The following NCKAP1 variants were observed in gnomAD, a reference collection of about 807,000 sequenced individuals.
NCKAP1 encodes NCK associated protein 1.
NCKAP1 carries 21 observed loss-of-function variants against 151.2 expected under a neutral mutation model. The observed-to-expected ratio is 0.14, with a 90% CI of 0.10 to 0.20. The LOEUF (loss-of-function observed/expected upper bound fraction) is 0.20. Ranked by LOEUF, NCKAP1 falls within the 10% of genes least tolerant of loss-of-function variation. NCKAP1 has a pLI of 1.00. For missense variants in NCKAP1, 933 were observed against 1,352.1 expected, an observed-to-expected ratio of 0.69 and a Z score of 4.86; for synonymous variants, 484 against 451.8, an observed-to-expected ratio of 1.07 and a Z score of -0.90.
chr2:182,972,758 G>A (rs776356763), intron 15 of NCKAP1, among the ~76,000 whole-genome samples: 15 of 152,130 alleles, frequency 9.9e-5, no homozygotes, highest in Non-Finnish European at 1.9e-4. Flanking sequence ...CAACATAGAC[G>A]GAACTGGAAG....
chr2:183,001,894 T>G, intron 6 of NCKAP1, 59 bp downstream of exon 6: 1 of 1,412,236 alleles, frequency 7.1e-7, no homozygotes, highest in African/African-American at 1.4e-5. Flanking sequence ...TATCCAACCA[T>G]CCATCCTCAT....
chr2:182,953,680 C>A (rs1320360930), intron 20 of NCKAP1, among the ~76,000 whole-genome samples: 1 of 152,038 alleles, frequency 6.6e-6, no homozygotes, highest in Non-Finnish European at 1.5e-5. Flanking sequence ...TGCCTGTAAT[C>A]CTGGCTACTT....
intron 2 of NCKAP1, among the ~76,000 whole-genome samples, chr2:183,008,176 C>T (rs922421056): frequency 3.9e-5 from 6 of 152,158 alleles, no homozygotes; most frequent in African/African-American, 1.2e-4. Context: ...GATCCGCCCG[C>T]CTCGGCCTCC....
chr2:182,962,130 C>T, intron 18 of NCKAP1, 29 bp downstream of exon 18: 4 of 1,539,244 alleles, frequency 2.6e-6, no homozygotes, highest in Non-Finnish European at 3.5e-6. Flanking sequence ...ACAAAATTTC[C>T]TATCTGTTGG....
intron 1 of NCKAP1, among the ~76,000 whole-genome samples, chr2:183,032,024 ATT>A (rs1296576326): frequency 6.6e-6 from 1 of 152,210 alleles, no homozygotes; most frequent in African/African-American, 2.4e-5. Context: ...CATTTCAGTT[ATT>A]TCAGTAGTTA....
At position 183,023,888 on chromosome 2, in the gene NCKAP1, G is replaced by A. The variant is rs1698840892; in HGVS notation, c.137C>T (p.Ser46Phe). The A allele has an allele frequency of 6.2e-7, 1 of 1,612,554 alleles. No individual in the cohort carries two copies. Residue 46 changes from serine to phenylalanine, a missense_variant, in exon 2 of 31, where the codon TCC (serine) becomes TTC (phenylalanine). Transcript: ENST00000361354. ...KACGDPKAKP[S>F]YLIDKNLESA... is the part of the protein sequence containing the mutation. ...TTCCAGGTTTTTGTCGATAAGATAG[G>A]ATGGTTTTGCCTTGGGGTCTCCACA...
At chr2:182,977,323 C>T (rs953227884) in intron 14 of NCKAP1, among the ~76,000 whole-genome samples, 1 of 152,006 alleles carries the variant, frequency 6.6e-6, no homozygotes, top group Non-Finnish European at 1.5e-5. Flanking sequence ...AACCCCATCT[C>T]TACTAAAAAT....
chr2:182,989,681 C>T (rs111261007), intron 8 of NCKAP1, among the ~76,000 whole-genome samples: 13,447 of 152,104 alleles, frequency 0.088, 722 homozygotes, highest in Non-Finnish European at 0.12. Context: ...CACTGCACTC[C>T]AGCCTGGGTG....
In NCKAP1 at chr2:182,916,185, A is replaced by AC. The variant is rs1696464825; in HGVS notation, c.*9516_*9517insG. The AC allele has an allele frequency of 2.6e-5, 4 of 151,396 alleles. No homozygotes were observed. Among genetic ancestry groups the AC allele is most frequent in the South Asian group, 2.1e-4 (1 of 4,766 alleles). 9.4% of individuals were successfully genotyped at this position (151,396 alleles called of 1,614,324 possible). On this transcript the variant is annotated 3_prime_UTR_variant, in exon 31 of 31. Coordinates refer to ENST00000361354, the MANE Select transcript of NCKAP1 (RefSeq NM_013436.5). ...GCCTTCTGTCAAAAAAAAAAAAAAA[A>AC]AAAAAACATGTCTCTGTGTCATCAC... is the stretch of plus-strand genomic sequence containing the variant.
In NCKAP1 at chr2:182,910,016, C is replaced by T. The variant is rs1161819162; in HGVS notation, c.*15686G>A. 2 of 152,266 alleles carry T rather than the reference C, an allele frequency of 1.3e-5. No homozygotes were observed. Among genetic ancestry groups the T allele is most frequent in the South Asian group, 2.1e-4 (1 of 4,816 alleles). The allele number at this position is 152,266 out of a possible 1,614,324, so 9.4% of individuals were successfully genotyped here. On this transcript the variant is annotated 3_prime_UTR_variant, in exon 31 of 31. Coordinates refer to ENST00000361354, the MANE Select transcript of NCKAP1 (RefSeq NM_013436.5). Reference sequence around the variant, plus strand: ...AAAATACAAAAGAAAATGATAGGGTCGCAGACAGAAAGTTTTATTCTAAGG... The same window carrying T: ...AAAATACAAAAGAAAATGATAGGGTTGCAGACAGAAAGTTTTATTCTAAGG...
chr2:182,999,696 G>C (rs1698341622), intron 6 of NCKAP1, among the ~76,000 whole-genome samples: 1 of 152,140 alleles, frequency 6.6e-6, no homozygotes, highest in African/African-American at 2.4e-5. Context: ...AAACACACTT[G>C]CACTCGTATG....
At position 183,003,586 on chromosome 2, in the gene NCKAP1, AG is replaced by A. The variant is rs568630917; in HGVS notation, c.220-262del. On this transcript the variant is annotated intron_variant, in intron 2 of 30. Coordinates refer to ENST00000361354, the MANE Select transcript of NCKAP1 (RefSeq NM_013436.5). ...CTATTAAGGAAAATCTGAAAGTGTT[AG>A]GAAAAAAAGTATCAAATGAACTCTT... is the stretch of plus-strand genomic sequence containing the variant. 1.4e-4 allele frequency among the ~76,000 whole-genome samples: 22 copies of A among 152,164 alleles called. No individual in the cohort carries two copies. The South Asian group carries it at 2.5e-3, about 17-fold the overall frequency.
intron 7 of NCKAP1, 106 bp from the exon 8 acceptor site, chr2:182,994,993 C>A: frequency 1.2e-6 from 1 of 835,164 alleles, no homozygotes; most frequent in Non-Finnish European, 1.9e-6. Flanking sequence ...CCCAATTCTT[C>A]GCCCAAATAC....
chr2:182,952,322 C>T (rs1297193291), intron 23 of NCKAP1, 83 bp downstream of exon 23: 2 of 825,844 alleles, frequency 2.4e-6, no homozygotes, highest in East Asian at 5.6e-5. Flanking sequence ...AAATAATTAA[C>T]ATTGTAGGCT....
At chr2:182,996,177 C>T (rs1411083537) in intron 6 of NCKAP1, among the ~76,000 whole-genome samples, 1 of 152,180 alleles carries the variant, frequency 6.6e-6, no homozygotes, top group Non-Finnish European at 1.5e-5. Flanking sequence ...ATGCAAGTTT[C>T]CATTCTGATA....
intron 24 of NCKAP1, among the ~76,000 whole-genome samples, chr2:182,937,729 C>A (rs115429689): frequency 1.2e-3 from 190 of 152,200 alleles, no homozygotes; most frequent in African/African-American, 4.5e-3. Flanking sequence ...ATGTGACACA[C>A]CAATTTGTAA....
chr2:182,991,224 A>G (rs1231137111), intron 8 of NCKAP1, among the ~76,000 whole-genome samples: 1 of 152,196 alleles, frequency 6.6e-6, no homozygotes, highest in East Asian at 1.9e-4. Flanking sequence ...AAGTATATTT[A>G]TTTGTTTAAA....
chr2:182,929,503 C>T (rs760589014), intron 27 of NCKAP1, among the ~76,000 whole-genome samples: 3 of 151,866 alleles, frequency 2.0e-5, no homozygotes, highest in Non-Finnish European at 4.4e-5. Flanking sequence ...AAATACCCAG[C>T]ATTGCTCTAA....
Position 182,980,949 on chromosome 2 carries a change from T to G in NCKAP1, c.1341+295A>C, listed in dbSNP as rs555076315. 4.6e-5 allele frequency among the ~76,000 whole-genome samples: 7 copies of G among 152,270 alleles called. No individual in the cohort carries two copies. In the South Asian group the frequency reaches 8.3e-4, roughly 18 times the overall value. ...TAGTACACCTGATTTATGATTAACC[T>G]CCTCTTTCCCAAGGCCCTCTGTAAT... On this transcript the variant is annotated intron_variant, in intron 13 of 30. Transcript: ENST00000361354.
Sources: gnomAD v4.1 joint callset for allele counts (sites outside exome capture counted in the v4.1 genomes callset) on GRCh38, gnomAD v4.1.1 for gene constraint, MANE v1.5 for transcripts, NCBI Gene and HGNC (gene_info 2026-07-23, HGNC 2026-07-21) for gene names.